The following DGKB variants were observed in gnomAD, a reference collection of about 807,000 sequenced individuals.
DGKB encodes diacylglycerol kinase beta, also known as 90 kDa diacylglycerol kinase.
A neutral mutation model predicts 114.3 loss-of-function variants in DGKB; 67 were observed. The ratio of observed to expected loss-of-function variants is 0.59; its 90% CI spans 0.48 to 0.72. The LOEUF (loss-of-function observed/expected upper bound fraction) is 0.72, where lower values mean the gene tolerates loss of function less well. DGKB is among the 30% of genes least tolerant of loss of function. The pLI is 0.00. For synonymous variants in DGKB, 398 were observed against 323.1 expected (o/e 1.23, Z -2.49); for missense variants, 907 against 975.2 (o/e 0.93, Z 0.93).
At chr7:14,644,734 T>C (rs1464994238) in intron 13 of DGKB, among the ~76,000 whole-genome samples, 1 of 152,178 alleles carries the variant, frequency 6.6e-6, no homozygotes, top group East Asian at 1.9e-4. Flanking sequence ...CATTTTTAAA[T>C]TCTGGGAGTT....
At chr7:14,455,623 C>A (rs1217317487) in intron 21 of DGKB, among the ~76,000 whole-genome samples, 6 of 152,068 alleles carry the variant, frequency 3.9e-5, no homozygotes, top group African/African-American at 1.2e-4. Context: ...TAAAACCCAA[C>A]CTTTCTGGCT....
chr7:14,446,676 T>C (rs1231451050), intron 21 of DGKB, among the ~76,000 whole-genome samples: 1 of 152,182 alleles, frequency 6.6e-6, no homozygotes, highest in East Asian at 1.9e-4. Flanking sequence ...ATTTGCTCAA[T>C]TTGTATGAAA....
Position 14,682,754 on chromosome 7 carries a change from T to A in DGKB, c.917A>T (p.Asp306Val). 1 of 1,612,558 alleles carries A rather than the reference T, an allele frequency of 6.2e-7. No individual in the cohort carries two copies. The highest frequency in any genetic ancestry group is 1.7e-5 in the Admixed American group (1 of 59,770). Residue 306 changes from aspartate to valine, a missense_variant and splice_region_variant, in exon 11 of 26, where the codon GAT becomes GTT. Coordinates refer to ENST00000402815, the MANE Select transcript of DGKB (RefSeq NM_001350709.2). ...AAGCAAGCATGCACACAAACTTACA[T>A]CAGTGTTCCTTTTGGACTTCACATA... ...KTYVKSKRNTDVMHHYWVEGN... is the reference protein window; with the variant it reads ...KTYVKSKRNTVVMHHYWVEGN...
chr7:14,805,922 C>A (rs1028645598), intron 2 of DGKB, among the ~76,000 whole-genome samples: 1 of 150,428 alleles, frequency 6.6e-6, no homozygotes, highest in Non-Finnish European at 1.5e-5. Context: ...TAGAAAATAT[C>A]CTAGACCAGT....
chr7:14,647,638 G>C (rs1362309624), intron 13 of DGKB, among the ~76,000 whole-genome samples: 1 of 152,050 alleles, frequency 6.6e-6, no homozygotes, highest in African/African-American at 2.4e-5. Context: ...CATGGGGGAG[G>C]AGCCAAGATG....
intron 23 of DGKB, among the ~76,000 whole-genome samples, chr7:14,278,753 C>T (rs923549673): frequency 6.6e-6 from 1 of 151,690 alleles, no homozygotes; most frequent in Non-Finnish European, 1.5e-5. Flanking sequence ...AGTTAATAAG[C>T]AAAATAATAA....
At chr7:14,456,079 C>T (rs992968629) in intron 21 of DGKB, among the ~76,000 whole-genome samples, 23 of 151,872 alleles carry the variant, frequency 1.5e-4, no homozygotes, top group African/African-American at 4.8e-4. Flanking sequence ...AAATTCAACA[C>T]GTAAGTACTT....
intron 20 of DGKB, among the ~76,000 whole-genome samples, chr7:14,500,312 T>C (rs1435692786): frequency 1.3e-5 from 2 of 151,856 alleles, no homozygotes; most frequent in Non-Finnish European, 2.9e-5. Context: ...TCAAATTATT[T>C]TTATTGATCA....
intron 19 of DGKB, among the ~76,000 whole-genome samples, chr7:14,575,318 G>C (rs1255613705): frequency 6.6e-6 from 1 of 152,062 alleles, no homozygotes; most frequent in African/African-American, 2.4e-5. Context: ...TCTTAACCCA[G>C]CCTGCAATAG....
chr7:14,323,235 C>G (rs890843377), intron 23 of DGKB, among the ~76,000 whole-genome samples: 9 of 151,824 alleles, frequency 5.9e-5, no homozygotes, highest in Non-Finnish European at 1.5e-5. Flanking sequence ...AATATAAAAA[C>G]CAGAAACATT....
At chr7:14,676,195 A>G (rs1442764899) in intron 12 of DGKB, among the ~76,000 whole-genome samples, 1 of 152,092 alleles carries the variant, frequency 6.6e-6, no homozygotes, top group Non-Finnish European at 1.5e-5. Flanking sequence ...TCTTTAAGAT[A>G]CTGGTAATAT....
intron 1 of DGKB, among the ~76,000 whole-genome samples, chr7:14,972,802 C>T (rs961533683): frequency 7.2e-5 from 11 of 152,002 alleles, no homozygotes; most frequent in South Asian, 4.2e-4. Context: ...GTAGTTATAG[C>T]GAAATATATC....
intron 25 of DGKB, among the ~76,000 whole-genome samples, chr7:14,163,868 G>A (rs1363025205): frequency 6.6e-6 from 1 of 152,040 alleles, no homozygotes; most frequent in Non-Finnish European, 1.5e-5. Context: ...GGCGGCAGGT[G>A]CCTGTAATCT....
chr7:14,418,848 G>C (rs1007553295), intron 21 of DGKB, among the ~76,000 whole-genome samples: 5 of 151,952 alleles, frequency 3.3e-5, no homozygotes, highest in Admixed American at 6.6e-5. Context: ...TGACAAAAAG[G>C]TGAGAAATTC....
intron 25 of DGKB, among the ~76,000 whole-genome samples, chr7:14,166,714 A>C (rs1423291412): frequency 6.6e-6 from 1 of 151,666 alleles, no homozygotes; most frequent in Non-Finnish European, 1.5e-5. Flanking sequence ...CCAGAACATG[A>C]AGTGCCATCA....
intron 21 of DGKB, among the ~76,000 whole-genome samples, chr7:14,455,475 T>C (rs1034081693): frequency 6.6e-6 from 1 of 152,056 alleles, no homozygotes; most frequent in Non-Finnish European, 1.5e-5. Context: ...ATTTATGCCA[T>C]TATTCTGTTC....
chr7:14,909,713 C>T (rs961381179), intron 1 of DGKB, among the ~76,000 whole-genome samples: 10 of 152,000 alleles, frequency 6.6e-5, no homozygotes, highest in Non-Finnish European at 1.0e-4. Context: ...ATTGGGATGA[C>T]CCGAATTCAG....
At chr7:14,889,453 A>T (rs1780831280) in intron 1 of DGKB, among the ~76,000 whole-genome samples, 1 of 151,538 alleles carries the variant, frequency 6.6e-6, no homozygotes, top group African/African-American at 2.4e-5. Flanking sequence ...GCTTTCTTAG[A>T]CCATCTAAAC....
chr7:14,389,864 A>G (rs1821053933), intron 21 of DGKB, among the ~76,000 whole-genome samples: 1 of 152,226 alleles, frequency 6.6e-6, no homozygotes, highest in Admixed American at 6.5e-5. Flanking sequence ...GAGAGGAATA[A>G]TAAGTTCGTT....
Sources: allele counts gnomAD v4.1 joint callset (sites outside exome capture counted in the v4.1 genomes callset), GRCh38; gene constraint gnomAD v4.1.1; transcripts MANE v1.5; gene names NCBI Gene and HGNC (gene_info 2026-07-23, HGNC 2026-07-21).